The following KCNQ3 variants were observed in gnomAD, a reference collection of about 807,000 sequenced individuals.
KCNQ3 encodes potassium voltage-gated channel subfamily KQT member 3.
A neutral mutation model predicts 92.5 loss-of-function variants in KCNQ3; 30 were observed. The observed-to-expected ratio is 0.32, with a 90% CI of 0.24 to 0.44. The LOEUF (loss-of-function observed/expected upper bound fraction) is 0.44. Ranked by LOEUF, KCNQ3 falls within the 20% of genes least tolerant of loss-of-function variation. The pLI is 1.00. For missense variants in KCNQ3, 913 were observed against 1,140.3 expected, an observed-to-expected ratio of 0.80 and a Z score of 2.87; for synonymous variants, 450 against 468.8, an observed-to-expected ratio of 0.96 and a Z score of 0.52.
intron 1 of KCNQ3, among the ~76,000 whole-genome samples, chr8:132,460,538 C>G (rs529424140): frequency 6.6e-6 from 1 of 152,260 alleles, no homozygotes; most frequent in South Asian, 2.1e-4. Flanking sequence ...TTGACCCACA[C>G]CCCATGGGAA....
chr8:132,218,562 C>T (rs1814117572), intron 1 of KCNQ3, among the ~76,000 whole-genome samples: 1 of 152,006 alleles, frequency 6.6e-6, no homozygotes, highest in Admixed American at 6.6e-5. Flanking sequence ...CTCATTTAAC[C>T]CTCACAAATA....
chr8:132,123,731 A>ATT lies in KCNQ3; in HGVS notation c.*5530_*5531insAA, dbSNP rs1316901112. 1 of 152,220 alleles carries ATT rather than the reference A, an allele frequency of 6.6e-6. No individual in the cohort carries two copies. Among genetic ancestry groups the ATT allele is most frequent in the Non-Finnish European group, 1.5e-5 (1 of 68,050 alleles). 9.4% of individuals were successfully genotyped at this position (152,220 alleles called of 1,614,324 possible). A position where few individuals can be genotyped will look rare whatever the true frequency, so the allele number is the denominator to read the frequency against. ...AGCTTCTGCTTCTTGATCTAAAAAG[A>ATT]CAGGTGGTTGTTCTGGGTGATCAAA... On this transcript the variant is annotated 3_prime_UTR_variant, in exon 15 of 15. Coordinates refer to ENST00000388996, the MANE Select transcript of KCNQ3 (RefSeq NM_004519.4).
At chr8:132,255,931 C>A (rs1316107449) in intron 1 of KCNQ3, among the ~76,000 whole-genome samples, 1 of 151,876 alleles carries the variant, frequency 6.6e-6, no homozygotes, top group Admixed American at 6.6e-5. Context: ...AAACAATGAG[C>A]TATGCAAAGA....
chr8:132,385,804 A>G (rs1424064186), intron 1 of KCNQ3, among the ~76,000 whole-genome samples: 1 of 152,208 alleles, frequency 6.6e-6, no homozygotes, highest in Non-Finnish European at 1.5e-5. Flanking sequence ...AACAAAAAAT[A>G]TAAGAGCAAG....
intron 1 of KCNQ3, among the ~76,000 whole-genome samples, chr8:132,272,771 T>C (rs1252338561): frequency 6.6e-6 from 1 of 152,140 alleles, no homozygotes; most frequent in Admixed American, 6.5e-5. Flanking sequence ...TCCCATGACA[T>C]GTGGGAATTG....
chr8:132,231,072 A>G lies in KCNQ3; in HGVS notation c.387-44891T>C, dbSNP rs1178928524. ...GATTATATGAAGACACTCAGAGAAG[A>G]TGGCCATGCGACCAGAATGATGCAT... is the stretch of plus-strand genomic sequence containing the variant. On this transcript the variant is annotated intron_variant, in intron 1 of 14. Transcript: ENST00000388996. 2.0e-5 allele frequency among the ~76,000 whole-genome samples: 3 copies of G among 152,184 alleles called. No homozygotes were observed. The East Asian group carries it at 5.8e-4, about 29-fold the overall frequency.
chr8:132,302,792 G>A (rs1048410010), intron 1 of KCNQ3, among the ~76,000 whole-genome samples: 1 of 152,140 alleles, frequency 6.6e-6, no homozygotes, highest in African/African-American at 2.4e-5. Flanking sequence ...ATTTTACTAG[G>A]AAATCCACCC....
intron 1 of KCNQ3, among the ~76,000 whole-genome samples, chr8:132,340,089 A>G (rs990108697): frequency 1.3e-5 from 2 of 152,218 alleles, no homozygotes; most frequent in African/African-American, 4.8e-5. Flanking sequence ...TAGAATGGCA[A>G]TTATTAAAAA....
intron 1 of KCNQ3, among the ~76,000 whole-genome samples, chr8:132,435,503 T>C (rs2130829886): frequency 6.6e-6 from 1 of 152,314 alleles, no homozygotes; most frequent in East Asian, 1.9e-4. Flanking sequence ...CTCTGTAGAC[T>C]GCCTTTGGTG....
chr8:132,376,895 T>C (rs1819624339), intron 1 of KCNQ3, among the ~76,000 whole-genome samples: 1 of 152,052 alleles, frequency 6.6e-6, no homozygotes, highest in African/African-American at 2.4e-5. Flanking sequence ...ACCATGCAAC[T>C]GCCATCCACT....
At chr8:132,280,513 G>A in intron 1 of KCNQ3, among the ~76,000 whole-genome samples, 1 of 152,158 alleles carries the variant, frequency 6.6e-6, no homozygotes, top group South Asian at 2.1e-4. Context: ...CACTATAGCG[G>A]GAACAGCAAC....
chr8:132,230,354 C>T (rs1814594202), intron 1 of KCNQ3, among the ~76,000 whole-genome samples: 1 of 152,040 alleles, frequency 6.6e-6, no homozygotes, highest in Non-Finnish European at 1.5e-5. Context: ...AAATCACACC[C>T]ACACCCAGCT....
intron 1 of KCNQ3, among the ~76,000 whole-genome samples, chr8:132,233,535 C>T (rs796869661): frequency 6.6e-6 from 1 of 152,260 alleles, no homozygotes; most frequent in African/African-American, 2.4e-5. Context: ...TTAGCATTGA[C>T]TCATGGCTAA....
chr8:132,340,751 G>A (rs1265012376), intron 1 of KCNQ3, among the ~76,000 whole-genome samples: 2 of 152,080 alleles, frequency 1.3e-5, no homozygotes, highest in Non-Finnish European at 2.9e-5. Context: ...AAACCTGGAC[G>A]TTCTGCACCT....
chr8:132,453,888 G>T (rs779533670), intron 1 of KCNQ3, among the ~76,000 whole-genome samples: 2 of 152,112 alleles, frequency 1.3e-5, no homozygotes, highest in Non-Finnish European at 2.9e-5. Context: ...CAGTCCCCAC[G>T]GAAGCCAGTG....
At chr8:132,180,126 T>C in intron 4 of KCNQ3, 31 bp downstream of exon 4, 1 of 1,613,148 alleles carries the variant, frequency 6.2e-7, no homozygotes, top group Non-Finnish European at 8.5e-7. Context: ...GGGAAGCCCA[T>C]GTGGTCCTGC....
intron 1 of KCNQ3, among the ~76,000 whole-genome samples, chr8:132,470,596 C>T (rs1181821162): frequency 6.6e-6 from 1 of 152,186 alleles, no homozygotes; most frequent in Non-Finnish European, 1.5e-5. Flanking sequence ...ACTTACATAA[C>T]CACAATGAAA....
At position 132,479,628 on chromosome 8, in the gene KCNQ3, G is replaced by GACACACAC. The variant is rs71306386; in HGVS notation, c.386+511_386+518dup. Among the ~76,000 whole-genome samples the GACACACAC allele has an allele frequency of 6.4e-4, 92 of 144,270 alleles. 2 individuals are homozygous for GACACACAC. Among genetic ancestry groups the GACACACAC allele is most frequent in the Admixed American group, 1.6e-3 (23 of 14,566 alleles). The allele number at this position is 144,270 out of a possible 152,430, so 94.6% of individuals were successfully genotyped here. On this transcript the variant is annotated intron_variant, in intron 1 of 14. Coordinates refer to ENST00000388996, the MANE Select transcript of KCNQ3 (RefSeq NM_004519.4). ...GATCAGAAGGGTGGCACAAGCAAGCGACACACACACACACACACACACACA... is the reference window on the plus strand; with the variant it reads ...GATCAGAAGGGTGGCACAAGCAAGCGACACACACACACACACACACACACACACACACA...
chr8:132,226,913 A>C (rs1376443805), intron 1 of KCNQ3, among the ~76,000 whole-genome samples: 2 of 152,226 alleles, frequency 1.3e-5, no homozygotes, highest in Non-Finnish European at 2.9e-5. Flanking sequence ...GAATCATCCC[A>C]GCATTTTTGG....
Sources: gnomAD v4.1 joint callset for allele counts (sites outside exome capture counted in the v4.1 genomes callset) on GRCh38, gnomAD v4.1.1 for gene constraint, MANE v1.5 for transcripts, NCBI Gene and HGNC (gene_info 2026-07-23, HGNC 2026-07-21) for gene names.